The following TRPC7 variants were observed in gnomAD, a reference collection of about 807,000 sequenced individuals.
The protein encoded by TRPC7 is transient receptor potential cation channel subfamily C member 7, also known as short transient receptor potential channel 7.
A neutral mutation model predicts 90.1 loss-of-function variants in TRPC7; 42 were observed. That is an observed-to-expected ratio of 0.47 (90% CI 0.36 to 0.60). The LOEUF (loss-of-function observed/expected upper bound fraction) is 0.60, where lower values mean the gene tolerates loss of function less well. Ranked by LOEUF, TRPC7 falls within the 20% of genes least tolerant of loss-of-function variation. The probability of loss-of-function intolerance (pLI) is 0.00; values close to 1 mark genes in which losing one functional copy is unlikely to be tolerated. For missense variants in TRPC7, 955 were observed against 1,112.3 expected (o/e 0.86, Z 2.01); for synonymous variants, 451 against 436.3 (o/e 1.03, Z -0.42).
At chr5:136,346,390 T>C (rs1393124409) in intron 2 of TRPC7, among the ~76,000 whole-genome samples, 2 of 152,194 alleles carry the variant, frequency 1.3e-5, no homozygotes, top group Non-Finnish European at 2.9e-5. Context: ...TAAAAGGTTT[T>C]TGTCATACTT....
At chr5:136,268,757 C>A (rs970768156) in intron 4 of TRPC7, among the ~76,000 whole-genome samples, 2 of 152,140 alleles carry the variant, frequency 1.3e-5, no homozygotes, top group Non-Finnish European at 2.9e-5. Context: ...TGGAAAGTTA[C>A]CCTGGGCTCA....
intron 3 of TRPC7, among the ~76,000 whole-genome samples, chr5:136,309,069 G>T (rs1022812480): frequency 4.6e-5 from 7 of 152,140 alleles, no homozygotes; most frequent in African/African-American, 1.7e-4. Flanking sequence ...GGGGCAATGT[G>T]GGTTGAAATG....
At chr5:136,302,500 C>T (rs1053794807) in intron 3 of TRPC7, among the ~76,000 whole-genome samples, 1 of 152,064 alleles carries the variant, frequency 6.6e-6, no homozygotes, top group Non-Finnish European at 1.5e-5. Context: ...AACCCCTGAA[C>T]CCCTTCCCTC....
At chr5:136,344,270 C>A (rs1040088807) in intron 2 of TRPC7, among the ~76,000 whole-genome samples, 1 of 152,062 alleles carries the variant, frequency 6.6e-6, no homozygotes, top group Admixed American at 6.6e-5. Flanking sequence ...TGGGCCTACT[C>A]AAGGATGAAG....
At chr5:136,364,231 C>A (rs1760656626) in intron 1 of TRPC7, among the ~76,000 whole-genome samples, 1 of 152,130 alleles carries the variant, frequency 6.6e-6, no homozygotes, top group Non-Finnish European at 1.5e-5. Context: ...TGATTTTTTT[C>A]TGGGTTAATT....
At chr5:136,339,999 C>T (rs544180472) in intron 2 of TRPC7, among the ~76,000 whole-genome samples, 15 of 152,056 alleles carry the variant, frequency 9.9e-5, no homozygotes, top group South Asian at 2.1e-4. Flanking sequence ...GAAGTCAGTA[C>T]ATCAAAGAGA....
intron 2 of TRPC7, among the ~76,000 whole-genome samples, chr5:136,351,655 A>C (rs991175783): frequency 2.0e-5 from 3 of 151,602 alleles, no homozygotes; most frequent in African/African-American, 7.3e-5. Context: ...CCTTCTCCTC[A>C]CTCTTCCCCT....
chr5:136,291,166 G>T (rs895585014), intron 3 of TRPC7, among the ~76,000 whole-genome samples: 4 of 152,228 alleles, frequency 2.6e-5, no homozygotes, highest in African/African-American at 9.6e-5. Flanking sequence ...AGGAACAACT[G>T]GTACCAGCCA....
intron 4 of TRPC7, among the ~76,000 whole-genome samples, chr5:136,268,157 G>A (rs1481683419): frequency 3.3e-5 from 5 of 152,146 alleles, no homozygotes; most frequent in Admixed American, 3.3e-4. Context: ...TTTAGCAAAT[G>A]GTGTTAGCAT....
intron 5 of TRPC7, among the ~76,000 whole-genome samples, chr5:136,261,124 A>G (rs1437274535): frequency 6.6e-6 from 1 of 152,150 alleles, no homozygotes; most frequent in African/African-American, 2.4e-5. Flanking sequence ...CACATGCTGG[A>G]TCTCAGGGTG....
chr5:136,221,113 CTG>C (rs34373112), intron 10 of TRPC7, among the ~76,000 whole-genome samples: 4,857 of 148,606 alleles, frequency 0.033, 114 homozygotes, highest in Non-Finnish European at 0.049. Context: ...GTGTATGTGT[CTG>C]TGTGTGTGTG....
At chr5:136,355,752 C>T (rs1199381744) in intron 2 of TRPC7, among the ~76,000 whole-genome samples, 1 of 152,102 alleles carries the variant, frequency 6.6e-6, no homozygotes, top group Non-Finnish European at 1.5e-5. Context: ...GAGCCAAGAT[C>T]GTGCCACTGC....
At chr5:136,308,990 C>A (rs1183249185) in intron 3 of TRPC7, among the ~76,000 whole-genome samples, 3 of 152,124 alleles carry the variant, frequency 2.0e-5, no homozygotes, top group African/African-American at 7.2e-5. Context: ...ACAAGGTGGT[C>A]ATTTTTGGAA....
intron 2 of TRPC7, among the ~76,000 whole-genome samples, chr5:136,337,035 G>A (rs912486891): frequency 2.0e-5 from 3 of 152,092 alleles, no homozygotes; most frequent in African/African-American, 7.2e-5. Context: ...CACCTATTAA[G>A]GCCCCAAACT....
intron 4 of TRPC7, among the ~76,000 whole-genome samples, chr5:136,271,368 C>T (rs1256723979): frequency 2.0e-5 from 3 of 152,206 alleles, no homozygotes; most frequent in East Asian, 1.9e-4. Flanking sequence ...TGCAGTTCCT[C>T]AGCATTTTCA....
chr5:136,314,066 T>C (rs1254188087), intron 3 of TRPC7: 1 of 152,248 alleles, frequency 6.6e-6, no homozygotes, highest in Non-Finnish European at 1.5e-5. Flanking sequence ...CCACATGCCA[T>C]GGACTGTTGA....
At position 136,315,639 on chromosome 5, in the gene TRPC7, A is replaced by G; in HGVS notation, c.921T>C (p.Ser307=). The change falls in exon 3 of 12, where the codon AGT becomes AGC. Residue 307 remains serine (S), a synonymous_variant. Transcript: ENST00000513104. The part of the protein sequence containing the change: ...FQVWSDHHRP[S]LSRIKLAIKY... ...TAATGGCGAGTTTGATCCGGCTCAG[A>G]CTTGGACGGTGGTGGTCGGACCAGA... 6.2e-7 allele frequency: 1 copy of G among 1,613,838 alleles called. No individual in the cohort carries two copies. The highest frequency in any genetic ancestry group is 8.5e-7 in the Non-Finnish European group (1 of 1,179,838).
intron 2 of TRPC7, among the ~76,000 whole-genome samples, chr5:136,339,505 C>T (rs1383616881): frequency 6.6e-6 from 1 of 152,166 alleles, no homozygotes. Flanking sequence ...CTATAGATAA[C>T]ATCACTATTG....
intron 5 of TRPC7, among the ~76,000 whole-genome samples, chr5:136,260,594 T>C (rs577323485): frequency 6.6e-6 from 1 of 152,218 alleles, no homozygotes; most frequent in Non-Finnish European, 1.5e-5. Flanking sequence ...GAAGAGAAGG[T>C]CATAGAGATG....
Sources: allele counts gnomAD v4.1 joint callset (sites outside exome capture counted in the v4.1 genomes callset), GRCh38; gene constraint gnomAD v4.1.1; transcripts MANE v1.5; gene names NCBI Gene and HGNC (gene_info 2026-07-23, HGNC 2026-07-21).